Variants in YWHAE observed in about 807,000 individuals in gnomAD.
YWHAE encodes tyrosine 3-monooxygenase/tryptophan 5-monooxygenase activation protein epsilon, also known as 14-3-3 protein epsilon.
YWHAE carries 4 observed loss-of-function variants against 30.1 expected under a neutral mutation model. The observed-to-expected ratio is 0.13, with a 90% CI of 0.07 to 0.30. YWHAE has a LOEUF of 0.30. Ranked by LOEUF, YWHAE falls within the 10% of genes least tolerant of loss-of-function variation. The pLI, the probability that YWHAE is intolerant of heterozygous loss-of-function variation, is 1.00. For synonymous variants in YWHAE, 118 were observed against 111.8 expected (o/e 1.06, Z -0.35); for missense variants, 121 against 315.9 (o/e 0.38, Z 4.68).
At chr17:1,388,221 A>G (rs932846892) in intron 1 of YWHAE, among the ~76,000 whole-genome samples, 7 of 140,066 alleles carry the variant, frequency 5.0e-5, no homozygotes, top group African/African-American at 1.1e-4. Flanking sequence ...TCGGCCTCCC[A>G]AAGTGCTAGG....
chr17:1,392,449 C>T (rs531252794), intron 1 of YWHAE, among the ~76,000 whole-genome samples: 1 of 152,288 alleles, frequency 6.6e-6, no homozygotes, highest in African/African-American at 2.4e-5. Flanking sequence ...ATTTTTCTTG[C>T]TGCTCTTTCC....
At position 1,400,187 on chromosome 17, in the gene YWHAE, C is replaced by T; in HGVS notation, c.-77G>A. 2 of 1,566,890 alleles carry T rather than the reference C, an allele frequency of 1.3e-6. No individual in the cohort carries two copies. The highest frequency in any genetic ancestry group is 1.8e-6 in the Non-Finnish European group (2 of 1,140,136). On this transcript the variant is annotated 5_prime_UTR_variant, in exon 1 of 6. Coordinates refer to ENST00000264335, the MANE Select transcript of YWHAE (RefSeq NM_006761.5). ...CTCCGACTCTCTCAGCCTCTCGCTCCGCGTCCGGGCAGCAAAAATGGCGGC... is the reference window on the plus strand; with the variant it reads ...CTCCGACTCTCTCAGCCTCTCGCTCTGCGTCCGGGCAGCAAAAATGGCGGC...
chr17:1,363,738 T>C (rs1015556605), intron 2 of YWHAE, among the ~76,000 whole-genome samples: 2 of 152,230 alleles, frequency 1.3e-5, no homozygotes, highest in African/African-American at 4.8e-5. Flanking sequence ...CAGTGCCCAG[T>C]ACAGCTGGCG....
At chr17:1,363,887 C>G (rs1243076702) in intron 2 of YWHAE, among the ~76,000 whole-genome samples, 1 of 151,996 alleles carries the variant, frequency 6.6e-6, no homozygotes, top group African/African-American at 2.4e-5. Flanking sequence ...AACAGCAGCA[C>G]TCCCGACAGT....
At position 1,348,334 on chromosome 17, in the gene YWHAE, A is replaced by C. The variant is rs116831349; in HGVS notation, c.716-2835T>G. On this transcript the variant is annotated intron_variant, in intron 5 of 5. Coordinates refer to ENST00000264335, the MANE Select transcript of YWHAE (RefSeq NM_006761.5). ...TTTCCTACCTATGGATTCGTATATG[A>C]AACAATCCTCTTACCACAGGGTGAA... Among the ~76,000 whole-genome samples, 618 of 152,324 alleles carry C rather than the reference A, an allele frequency of 4.1e-3. 1 individual carries two copies. Among genetic ancestry groups the C allele is most frequent in the African/African-American group, 0.014 (562 of 41,578 alleles).
Position 1,351,016 on chromosome 17 carries a change from A to G in YWHAE, c.715+3195T>C, listed in dbSNP as rs375745057. On this transcript the variant is annotated intron_variant, in intron 5 of 5. Transcript: ENST00000264335. ...AGAGGTTGCAGTGAGCCGAGATCGC[A>G]CCATTGCATTCCAATCTGGGCAACA... 5.3e-5 allele frequency among the ~76,000 whole-genome samples: 8 copies of G among 151,760 alleles called. No individual in the cohort carries two copies. The East Asian group carries it at 9.9e-4, about 19-fold the overall frequency.
chr17:1,380,081 C>T (rs2073181904), intron 1 of YWHAE, among the ~76,000 whole-genome samples: 1 of 150,744 alleles, frequency 6.6e-6, no homozygotes, highest in South Asian at 2.1e-4. Flanking sequence ...ACCACACTTA[C>T]AGCAAAGAGT....
At chr17:1,356,171 AACACACACACACACACACACACACAC>A (rs71148473) in intron 4 of YWHAE, among the ~76,000 whole-genome samples, 1 of 142,974 alleles carries the variant, frequency 7.0e-6, no homozygotes, top group Non-Finnish European at 1.5e-5. Context: ...TCCGTCTAAA[AACACACACACACACACACACACACAC>A]ACACACACAC....
intron 1 of YWHAE, among the ~76,000 whole-genome samples, chr17:1,393,196 C>CA (rs767581917): frequency 3.9e-4 from 58 of 148,580 alleles, no homozygotes; most frequent in African/African-American, 4.9e-4. Context: ...TACAAACAAA[C>CA]AAAAAAAACA....
intron 1 of YWHAE, among the ~76,000 whole-genome samples, chr17:1,386,959 GAAA>G (rs11357704): frequency 1.4e-5 from 2 of 142,074 alleles, no homozygotes; most frequent in Non-Finnish European, 1.6e-5. Flanking sequence ...GTCTCAAAAG[GAAA>G]AAAAAAAAAA....
At chr17:1,370,895 G>A (rs1054088268) in intron 1 of YWHAE, among the ~76,000 whole-genome samples, 10 of 151,900 alleles carry the variant, frequency 6.6e-5, no homozygotes, top group African/African-American at 2.4e-4. Context: ...AGCTACTCAG[G>A]AGGCTGAGGC....
chr17:1,400,028 C>CGG lies in YWHAE; in HGVS notation c.64+18_64+19insCC. Reference sequence around the variant, plus strand: ...AGAGGGTCCGAGAATTCCAGCCCCCCGTTGCCCCCCCAACTCACCGTCGTA... The same window carrying CGG: ...AGAGGGTCCGAGAATTCCAGCCCCCCGGGTTGCCCCCCCAACTCACCGTCGTA... On this transcript the variant is annotated intron_variant, in intron 1 of 5. Transcript: ENST00000264335. 1.2e-6 allele frequency: 2 copies of CGG among 1,608,118 alleles called. No individual in the cohort carries two copies. The highest frequency in any genetic ancestry group is 1.7e-4 in the Middle Eastern group (1 of 6,046).
intron 1 of YWHAE, among the ~76,000 whole-genome samples, chr17:1,382,516 C>A (rs1455731793): frequency 6.6e-6 from 1 of 151,126 alleles, no homozygotes; most frequent in African/African-American, 2.4e-5. Context: ...ACCACCAGGC[C>A]AGGCTAATTT....
chr17:1,398,234 CGGA>C (rs749803600), intron 1 of YWHAE, among the ~76,000 whole-genome samples: 13 of 151,976 alleles, frequency 8.6e-5, no homozygotes, highest in Non-Finnish European at 1.0e-4. Context: ...GATGAGGGGG[CGGA>C]GGAGGAGACT....
Position 1,345,626 on chromosome 17 carries a change from A to G in YWHAE, c.716-127T>C, listed in dbSNP as rs989369251. The G allele has an allele frequency of 8.5e-6, 8 of 937,818 alleles. No homozygotes were observed. The South Asian group carries it at 1.2e-4, about 14-fold the overall frequency. The allele number at this position is 937,818 out of a possible 1,614,324, so 58.1% of individuals were successfully genotyped here. A position where few individuals can be genotyped will look rare whatever the true frequency, so the allele number is the denominator to read the frequency against. On this transcript the variant is annotated intron_variant, in intron 5 of 5. Coordinates refer to ENST00000264335, the MANE Select transcript of YWHAE (RefSeq NM_006761.5). ...GCTACAATTGGTATTAAACGCAGGC[A>G]AAGGACTTCTATCATCCTTGACACC... is the stretch of plus-strand genomic sequence containing the variant.
intron 1 of YWHAE, among the ~76,000 whole-genome samples, chr17:1,370,749 C>A (rs1249933123): frequency 6.6e-6 from 1 of 152,054 alleles, no homozygotes; most frequent in African/African-American, 2.4e-5. Context: ...GTAATCCCAG[C>A]ACTTTGGGAG....
intron 5 of YWHAE, among the ~76,000 whole-genome samples, chr17:1,349,149 G>A (rs2072575890): frequency 6.6e-6 from 1 of 151,976 alleles, no homozygotes; most frequent in Admixed American, 6.6e-5. Flanking sequence ...GAGACCATCC[G>A]GGCTAACACG....
chr17:1,387,542 A>T (rs2073317297), intron 1 of YWHAE, among the ~76,000 whole-genome samples: 1 of 152,168 alleles, frequency 6.6e-6, no homozygotes, highest in Non-Finnish European at 1.5e-5. Context: ...GGTTTAGTAG[A>T]AGGATTAACT....
At chr17:1,377,979 G>A (rs969644304) in intron 1 of YWHAE, among the ~76,000 whole-genome samples, 3 of 152,064 alleles carry the variant, frequency 2.0e-5, no homozygotes, top group Admixed American at 6.5e-5. Flanking sequence ...AACCCGAGAG[G>A]CGGAGGTTGC....
Sources: allele counts gnomAD v4.1 joint callset (sites outside exome capture counted in the v4.1 genomes callset), GRCh38; gene constraint gnomAD v4.1.1; transcripts MANE v1.5; gene names NCBI Gene and HGNC (gene_info 2026-07-23, HGNC 2026-07-21).